The following MYLIP variants were observed in gnomAD, a reference collection of about 807,000 sequenced individuals.
MYLIP encodes myosin regulatory light chain interacting protein.
A neutral mutation model predicts 45.8 loss-of-function variants in MYLIP; 26 were observed. That is an observed-to-expected ratio of 0.57 (90% CI 0.42 to 0.79). The LOEUF is 0.79. Ranked by LOEUF, MYLIP falls within the 30% of genes least tolerant of loss-of-function variation. The pLI, the probability that MYLIP is intolerant of heterozygous loss-of-function variation, is 0.00. For missense variants in MYLIP, 494 were observed against 555.6 expected, an observed-to-expected ratio of 0.89 and a Z score of 1.11; for synonymous variants, 213 against 218.1, an observed-to-expected ratio of 0.98 and a Z score of 0.21.
rs1759411641 is a variant in MYLIP at position 16,129,553 on chromosome 6, C to G, written c.87+144C>G. On this transcript the variant is annotated intron_variant, in intron 1 of 6. Transcript: ENST00000356840. The surrounding 1 kb of genome is among the most constrained non-coding windows in gnomAD (Gnocchi z 5.1). ...CCGGGGGGAGCGCGTCCCCTCCTCT[C>G]CACGGGCGTGGGGCGCGCGGTCTCC... 1 of 769,728 alleles carries G rather than the reference C, an allele frequency of 1.3e-6. No homozygotes were observed. The highest frequency in any genetic ancestry group is 2.0e-6 in the Non-Finnish European group (1 of 502,094). The allele number at this position is 769,728 out of a possible 1,614,324, so 47.7% of individuals were successfully genotyped here.
the MYLIP span, among the ~76,000 whole-genome samples, chr6:16,154,459 A>C: frequency 1.3e-5 from 2 of 152,170 alleles, no homozygotes; most frequent in African/African-American, 2.4e-5. Context: ...TGAGGACCTC[A>C]GGCACAGAGA....
intron 2 of MYLIP, among the ~76,000 whole-genome samples, chr6:16,135,740 T>A (rs1759536483): frequency 7.9e-6 from 1 of 127,192 alleles, no homozygotes; most frequent in Non-Finnish European, 1.6e-5. Context: ...ATTATATGTG[T>A]GTGTATACAT....
chr6:16,159,808 A>C, the MYLIP span, among the ~76,000 whole-genome samples: 1 of 152,184 alleles, frequency 6.6e-6, no homozygotes, highest in Non-Finnish European at 1.5e-5. Context: ...AGAATAAAGC[A>C]AGGAATGTGA....
At position 16,145,311 on chromosome 6, in the gene MYLIP, G is replaced by A. The variant is rs1759767543; in HGVS notation, c.1242G>A (p.Gln414=). The change falls in exon 6 of 7, where the codon CAG becomes CAA. Residue 414 remains glutamine, a synonymous_variant. Transcript: ENST00000356840. ...HTVCCESCAA[Q]LQSCPVCRSR... ...TGTGCTGTGAGAGCTGCGCCGCCCA[G>A]CTACAGGTAGGGGAGTCAGCTGCCC... 2 of 1,583,954 alleles carry A rather than the reference G, an allele frequency of 1.3e-6. No individual in the cohort carries two copies. Among genetic ancestry groups the A allele is most frequent in the South Asian group, 1.1e-5 (1 of 87,808 alleles).
At chr6:16,152,634 G>A (rs1381018259), downstream of MYLIP, among the ~76,000 whole-genome samples, 5 of 152,170 alleles carry the variant, frequency 3.3e-5, no homozygotes, top group African/African-American at 1.2e-4. Flanking sequence ...TGCCTGCTCT[G>A]GGATTCCAAG....
At chr6:16,150,198 A>T (rs1349824400), downstream of MYLIP, among the ~76,000 whole-genome samples, 2 of 152,214 alleles carry the variant, frequency 1.3e-5, no homozygotes, top group African/African-American at 4.8e-5. Context: ...CGACAACAGG[A>T]TAGGGATAAC....
At chr6:16,158,726 C>A in the MYLIP span, among the ~76,000 whole-genome samples, 2 of 152,168 alleles carry the variant, frequency 1.3e-5, no homozygotes, top group South Asian at 4.2e-4. Flanking sequence ...AAAAATTAGC[C>A]GCGCGTGGTG....
chr6:16,145,715 G>C (rs1177389875), intron 6 of MYLIP, among the ~76,000 whole-genome samples: 3 of 152,068 alleles, frequency 2.0e-5, no homozygotes, highest in Non-Finnish European at 4.4e-5. Flanking sequence ...AGATATTTGG[G>C]AAAGAATACT....
At chr6:16,145,723 ACT>A (rs1415455545) in intron 6 of MYLIP, among the ~76,000 whole-genome samples, 3 of 152,110 alleles carry the variant, frequency 2.0e-5, no homozygotes, top group Non-Finnish European at 4.4e-5. Context: ...GGGAAAGAAT[ACT>A]TCTCAATTAT....
chr6:16,139,382 CA>C (rs1748063374), intron 2 of MYLIP, among the ~76,000 whole-genome samples: 1 of 137,122 alleles, frequency 7.3e-6, no homozygotes, highest in Non-Finnish European at 1.6e-5. Context: ...AGCAAGACTC[CA>C]TCTCAAAAAA....
the MYLIP span, chr6:16,161,157 C>T: frequency 2.9e-4 from 53 of 181,806 alleles, no homozygotes; most frequent in Non-Finnish European, 5.7e-4. Flanking sequence ...TCTTTGCCCT[C>T]TATGGATCCC....
At chr6:16,136,826 T>C (rs1008258922) in intron 2 of MYLIP, among the ~76,000 whole-genome samples, 6 of 152,254 alleles carry the variant, frequency 3.9e-5, no homozygotes, top group African/African-American at 1.4e-4. Context: ...GTTCATGTGT[T>C]TATTGGCCTT....
At chr6:16,139,082 A>G (rs1045905441) in intron 2 of MYLIP, among the ~76,000 whole-genome samples, 5 of 152,236 alleles carry the variant, frequency 3.3e-5, no homozygotes, top group Non-Finnish European at 7.3e-5. Context: ...CTTACTATCT[A>G]ATAAAGCAGG....
At position 16,129,397 on chromosome 6, in the gene MYLIP, C is replaced by T. The variant is rs774353501; in HGVS notation, c.75C>T (p.Asp25=). 6.2e-5 allele frequency: 98 copies of T among 1,588,776 alleles called. No homozygotes were observed. Among genetic ancestry groups the T allele is most frequent in the Non-Finnish European group, 8.0e-5 (94 of 1,168,072 alleles). Residue 25 remains aspartate (D), a synonymous_variant, in exon 1 of 7, where the codon GAC becomes GAT. Transcript: ENST00000356840. The surrounding 1 kb of genome is among the most constrained non-coding windows in gnomAD (Gnocchi z 5.1). The part of the protein sequence containing the change: ...VEVEAKANGE[D]CLNQVCRRLG... The stretch of plus-strand genomic sequence containing the variant: ...TGGAGGCGAAAGCCAACGGCGAGGA[C>T]TGCCTCAACCAGGTGAGGGCGAGGG...
At chr6:16,162,845 G>C in the MYLIP span, among the ~76,000 whole-genome samples, 3 of 143,670 alleles carry the variant, frequency 2.1e-5, no homozygotes, top group South Asian at 6.6e-4. Context: ...TTTGTAAGTT[G>C]TGAAATAAGC....
In MYLIP at chr6:16,129,502, G is replaced by C; in HGVS notation, c.87+93G>C. 3 of 1,266,210 alleles carry C rather than the reference G, an allele frequency of 2.4e-6. No individual in the cohort carries two copies. Among genetic ancestry groups the C allele is most frequent in the South Asian group, 1.3e-5 (1 of 74,454 alleles). The allele number at this position is 1,266,210 out of a possible 1,614,324, so 78.4% of individuals were successfully genotyped here. A position where few individuals can be genotyped will look rare whatever the true frequency, so the allele number is the denominator to read the frequency against. On this transcript the variant is annotated intron_variant, in intron 1 of 6. Transcript: ENST00000356840. This position sits in a 1 kb window ranked among gnomAD's most constrained non-coding sequence, Gnocchi z 5.1. ...TGGCACTCTGGCGCGCCCCCTACTAGGGGCCGGGAGGCACTGCGGCGGCAG... is the reference window on the plus strand; with the variant it reads ...TGGCACTCTGGCGCGCCCCCTACTACGGGCCGGGAGGCACTGCGGCGGCAG...
chr6:16,161,259 C>A, the MYLIP span: 1 of 363,646 alleles, frequency 2.7e-6, no homozygotes, highest in South Asian at 2.4e-5. Context: ...TGAAATACAC[C>A]CAGACCTTCA....
At chr6:16,135,703 A>G (rs1386282988) in intron 2 of MYLIP, among the ~76,000 whole-genome samples, 1 of 148,834 alleles carries the variant, frequency 6.7e-6, no homozygotes, top group Non-Finnish European at 1.5e-5. Flanking sequence ...GATTTTTTAC[A>G]GGGAACACCT....
In MYLIP at chr6:16,129,705, C is replaced by T. The variant is rs903297233; in HGVS notation, c.87+296C>T. ...TCATCCCCCCAACCCAGCACTTTCC[C>T]GGAAGAAGGCGGCTCCGCACACCTG... On this transcript the variant is annotated intron_variant, in intron 1 of 6. Transcript: ENST00000356840. This position sits in a 1 kb window ranked among gnomAD's most constrained non-coding sequence, Gnocchi z 5.1. Among the ~76,000 whole-genome samples, 2 of 152,198 alleles carry T rather than the reference C, an allele frequency of 1.3e-5. No individual in the cohort carries two copies. Among genetic ancestry groups the T allele is most frequent in the Non-Finnish European group, 2.9e-5 (2 of 68,010 alleles).
Sources: allele counts gnomAD v4.1 joint callset (sites outside exome capture counted in the v4.1 genomes callset), GRCh38; gene constraint gnomAD v4.1.1; non-coding constraint Gnocchi (gnomAD v3.1); transcripts MANE v1.5; gene names NCBI Gene and HGNC (gene_info 2026-07-23, HGNC 2026-07-21).